NTRK1: variants seen among roughly 807,000 people sequenced by gnomAD.
NTRK1 encodes neurotrophic receptor tyrosine kinase 1, also known as high affinity nerve growth factor receptor.
NTRK1 carries 62 observed loss-of-function variants against 86.8 expected under a neutral mutation model. That is an observed-to-expected ratio of 0.71 (90% CI 0.58 to 0.88). NTRK1 has a LOEUF of 0.88. Among genes scored for constraint, NTRK1 ranks in the 40% least tolerant of loss-of-function variants. The pLI, the probability that NTRK1 is intolerant of heterozygous loss-of-function variation, is 0.00. For missense variants in NTRK1, 967 were observed against 1,078.4 expected (o/e 0.90, Z 1.45); for synonymous variants, 469 against 456.6 (o/e 1.03, Z -0.35).
chr1:156,862,883 T>G (rs1172887405), intron 1 of NTRK1, among the ~76,000 whole-genome samples: 1 of 151,986 alleles, frequency 6.6e-6, no homozygotes, highest in Non-Finnish European at 1.5e-5. Flanking sequence ...AGGCCTCTAC[T>G]AAGTCCACAG....
At chr1:156,845,213 A>C (rs1385024665) in intron 2 of NTRK1, 1 of 1,609,622 alleles carries the variant, frequency 6.2e-7, no homozygotes, top group South Asian at 1.1e-5. Context: ...CTCACGGGGC[A>C]CCTTGTCCTC....
chr1:156,879,236 C>A lies in NTRK1; in HGVS notation c.1920C>A (p.Tyr640Ter). 6.2e-7 allele frequency: 1 copy of A among 1,614,074 alleles called. No homozygotes were observed. Among genetic ancestry groups the A allele is most frequent in the Non-Finnish European group, 8.5e-7 (1 of 1,180,014 alleles). Residue 640 changes from tyrosine (Y) to a stop codon, truncating the protein, a stop_gained, in exon 15 of 17, where the codon TAC becomes TAA. Transcript: ENST00000524377. LOFTEE classifies it high-confidence loss of function. The stretch of plus-strand genomic sequence containing the variant: ...GCCAGGTCGCTGCGGGGATGGTGTA[C>A]CTGGCGGGTCTGCATTTTGTGCACC... ...VASQVAAGMV[Y>*]LAGLHFVHRD... is the part of the protein sequence containing the mutation.
At position 156,851,299 on chromosome 1, in the gene NTRK1, A is replaced by G. The variant is rs761265475; in HGVS notation, c.50+9106A>G. 1.1e-5 allele frequency: 18 copies of G among 1,614,014 alleles called. No homozygotes were observed. The South Asian group carries it at 1.5e-4, about 14-fold the overall frequency. On this transcript the variant is annotated intron_variant, in intron 2 of 16. Coordinates refer to the NTRK1 transcript ENST00000392302. Reference sequence around the variant, plus strand: ...GAGGCCTAACCCTTACCCATCCACCATGGCGTCTCCCCGGATTAGTTTGAG... The same window carrying G: ...GAGGCCTAACCCTTACCCATCCACCGTGGCGTCTCCCCGGATTAGTTTGAG...
At chr1:156,844,702 C>T (rs768112689) in intron 2 of NTRK1, 2 of 1,614,084 alleles carry the variant, frequency 1.2e-6, no homozygotes, top group African/African-American at 1.3e-5. Flanking sequence ...CCCACGGGCA[C>T]CTACCTCTCC....
At chr1:156,818,451 C>T (rs1372416333) in intron 1 of NTRK1, among the ~76,000 whole-genome samples, 2 of 152,026 alleles carry the variant, frequency 1.3e-5, no homozygotes, top group African/African-American at 4.8e-5. Flanking sequence ...GTACACTGTC[C>T]CCAATATGTA....
At chr1:156,840,530 A>G (rs1654731143) in intron 1 of NTRK1, 1 of 323,242 alleles carries the variant, frequency 3.1e-6, no homozygotes, top group African/African-American at 2.2e-5. Context: ...TCCAGAGGAG[A>G]CCCCAAACTG....
At chr1:156,827,923 T>C (rs1654365309) in intron 1 of NTRK1, among the ~76,000 whole-genome samples, 1 of 152,170 alleles carries the variant, frequency 6.6e-6, no homozygotes, top group Non-Finnish European at 1.5e-5. Context: ...CCCTTGTTCT[T>C]ATGAAGGTAT....
intron 1 of NTRK1, among the ~76,000 whole-genome samples, chr1:156,834,913 C>A (rs16837709): frequency 0.18 from 27,523 of 151,466 alleles, 4,581 homozygotes; most frequent in African/African-American, 0.45. Context: ...GTCCACACTT[C>A]GACTGGGAGG....
At position 156,868,400 on chromosome 1, in the gene NTRK1, T is replaced by A. The variant is rs943131271; in HGVS notation, c.575-105T>A. ...CTGCCTGGGGTGACATCGCCTGGGCTCCAGGTCATTGAGGAGGGTGGGGGA... is the reference window on the plus strand; with the variant it reads ...CTGCCTGGGGTGACATCGCCTGGGCACCAGGTCATTGAGGAGGGTGGGGGA... On this transcript the variant is annotated intron_variant, in intron 5 of 16. Transcript: ENST00000524377. 3 of 1,537,926 alleles carry A rather than the reference T, an allele frequency of 2.0e-6. No homozygotes were observed. In the African/African-American group the frequency reaches 4.1e-5, roughly 21 times the overall value.
chr1:156,856,997 G>A (rs79039022), upstream of NTRK1, among the ~76,000 whole-genome samples: 2,174 of 152,046 alleles, frequency 0.014, 56 homozygotes, highest in African/African-American at 0.049. Context: ...CGAGCCCTCC[G>A]GTGTTATCAC....
rs1378784753 is a variant in NTRK1 at position 156,854,392 on chromosome 1, G to T, written c.51-9962G>T. 4 of 1,312,144 alleles carry T rather than the reference G, an allele frequency of 3.0e-6. No individual in the cohort carries two copies. Among genetic ancestry groups the T allele is most frequent in the East Asian group, 5.0e-5 (2 of 39,776 alleles). The allele number at this position is 1,312,144 out of a possible 1,614,324, so 81.3% of individuals were successfully genotyped here. ...GCAGCTTTGGAGGGGAGCCACACTG[G>T]CAGTAGGACAATGAGTGAGGAGCCG... On this transcript the variant is annotated intron_variant, in intron 2 of 16. Transcript: ENST00000392302. The surrounding 1 kb of genome is among the most constrained non-coding windows in gnomAD (Gnocchi z 4.2).
At chr1:156,832,387 G>A (rs1458282371) in intron 1 of NTRK1, among the ~76,000 whole-genome samples, 1 of 152,180 alleles carries the variant, frequency 6.6e-6, no homozygotes, top group Non-Finnish European at 1.5e-5. Flanking sequence ...TCTGAAGCAA[G>A]GATTTGGGAG....
Position 156,881,667 on chromosome 1 carries a change from G to T in NTRK1, c.*25G>T. On this transcript the variant is annotated 3_prime_UTR_variant, in exon 17 of 17. Transcript: ENST00000524377. Reference sequence around the variant, plus strand: ...GGGGGCCGGCCCAGGGGCTGGGAGTGGTTAGCCGGAATACTGGGGCCTGCC... The same window carrying T: ...GGGGGCCGGCCCAGGGGCTGGGAGTTGTTAGCCGGAATACTGGGGCCTGCC... 1 of 1,586,880 alleles carries T rather than the reference G, an allele frequency of 6.3e-7. No individual in the cohort carries two copies.
chr1:156,864,990 G>A, intron 3 of NTRK1, 191 bp downstream of exon 3: 1 of 652,688 alleles, frequency 1.5e-6, no homozygotes, highest in South Asian at 1.7e-5. Context: ...CTGACAGCTA[G>A]AGGTCCTCCT....
intron 1 of NTRK1, 96 bp from the exon 2 acceptor site, chr1:156,864,258 T>C: frequency 8.8e-7 from 1 of 1,142,478 alleles, no homozygotes; most frequent in Non-Finnish European, 1.3e-6. Flanking sequence ...CGTGTGCATG[T>C]GGCATGTGCA....
intron 1 of NTRK1, among the ~76,000 whole-genome samples, chr1:156,830,847 G>C (rs936215434): frequency 6.6e-6 from 1 of 152,152 alleles, no homozygotes; most frequent in Non-Finnish European, 1.5e-5. Flanking sequence ...GGGCCACCAC[G>C]CCCAGCAAGG....
chr1:156,837,148 A>G (rs1558080472), intron 1 of NTRK1: 1 of 152,210 alleles, frequency 6.6e-6, no homozygotes, highest in Non-Finnish European at 1.5e-5. Flanking sequence ...TATCTCACCA[A>G]GTGCCCTTCC....
rs571812029 is a variant in NTRK1, at chr1:156,844,775, A to G, written c.50+2582A>G. Reference sequence around the variant, plus strand: ...CCGTTGGGGTCTGGTGGCTCGAGCCAGCGCAGAAGGACACTGTTCTTGCTG... The same window carrying G: ...CCGTTGGGGTCTGGTGGCTCGAGCCGGCGCAGAAGGACACTGTTCTTGCTG... On this transcript the variant is annotated intron_variant, in intron 2 of 16. Transcript: ENST00000392302. The G allele has an allele frequency of 3.7e-6, 6 of 1,614,172 alleles. No individual in the cohort carries two copies. The South Asian group carries it at 4.4e-5, about 12-fold the overall frequency.
chr1:156,858,409 GC>G (rs1655485926), upstream of NTRK1: 21 of 731,978 alleles, frequency 2.9e-5, 1 homozygote, highest in South Asian at 3.2e-4. Context: ...GTTCTCCTGA[GC>G]GCTAACCCCA....
Sources: allele counts gnomAD v4.1 joint callset (sites outside exome capture counted in the v4.1 genomes callset), GRCh38; gene constraint gnomAD v4.1.1; non-coding constraint Gnocchi (gnomAD v3.1); transcripts MANE v1.5; gene names NCBI Gene and HGNC (gene_info 2026-07-23, HGNC 2026-07-21).